PDSS1: variants seen among roughly 807,000 people sequenced by gnomAD.
The protein encoded by PDSS1 is decaprenyl diphosphate synthase subunit 1.
A neutral mutation model predicts 57.5 loss-of-function variants in PDSS1; 43 were observed. The observed-to-expected ratio is 0.75, with a 90% confidence interval of 0.59 to 0.96. The LOEUF (loss-of-function observed/expected upper bound fraction) is 0.96, where lower values mean the gene tolerates loss of function less well. PDSS1 is among the 50% of genes least tolerant of loss of function. PDSS1 has a pLI of 0.00. For missense variants in PDSS1, 438 were observed against 527.8 expected (o/e 0.83, Z 1.67); for synonymous variants, 175 against 191.3 (o/e 0.91, Z 0.70).
At chr10:26,730,438 C>G (rs2132287482) in intron 8 of PDSS1, among the ~76,000 whole-genome samples, 1 of 151,634 alleles carries the variant, frequency 6.6e-6, no homozygotes, top group East Asian at 2.0e-4. Flanking sequence ...GGCGAAACCT[C>G]TGTCTACAAG....
At chr10:26,713,316 A>G (rs1462499528) in intron 5 of PDSS1, among the ~76,000 whole-genome samples, 3 of 152,148 alleles carry the variant, frequency 2.0e-5, no homozygotes, top group Non-Finnish European at 4.4e-5. Context: ...AACAAAAAAC[A>G]TGGGGGATTT....
chr10:26,730,979 C>T (rs1341421319), intron 8 of PDSS1, among the ~76,000 whole-genome samples: 2 of 152,126 alleles, frequency 1.3e-5, no homozygotes, highest in Non-Finnish European at 2.9e-5. Context: ...GAGGCTGAGG[C>T]GGCCGAATCA....
chr10:26,738,252 A>G (rs1283290602), intron 10 of PDSS1, among the ~76,000 whole-genome samples: 1 of 152,220 alleles, frequency 6.6e-6, no homozygotes, highest in Non-Finnish European at 1.5e-5. Flanking sequence ...ATTCTTTCAT[A>G]CATTATCTCT....
At chr10:26,698,765 T>C (rs1325781244) in intron 1 of PDSS1, among the ~76,000 whole-genome samples, 1 of 152,238 alleles carries the variant, frequency 6.6e-6, no homozygotes, top group East Asian at 1.9e-4. Flanking sequence ...TTTCCCAGTA[T>C]GAAATATATA....
intron 8 of PDSS1, 144 bp downstream of exon 8, chr10:26,724,267 A>G (rs1454662272): frequency 4.3e-6 from 3 of 702,966 alleles, no homozygotes; most frequent in Non-Finnish European, 5.2e-6. Flanking sequence ...TGACATCCCC[A>G]AACAATAGAG....
chr10:26,737,796 T>C lies in PDSS1; in HGVS notation c.1026+2217T>C, dbSNP rs114530961. ...GCAAAAGGAAAAAAAAAGATTACTG[T>C]ACCCGAAGCCATGGTTTTATGTGTG... On this transcript the variant is annotated intron_variant, in intron 10 of 11. Coordinates refer to ENST00000376215, the MANE Select transcript of PDSS1 (RefSeq NM_014317.5). Among the ~76,000 whole-genome samples, 1,461 of 150,860 alleles carry C rather than the reference T, an allele frequency of 9.7e-3. 30 individuals are homozygous for C. Among genetic ancestry groups the C allele is most frequent in the African/African-American group, 0.034 (1,406 of 40,982 alleles).
chr10:26,707,710 T>TA (rs1183221524), intron 4 of PDSS1, among the ~76,000 whole-genome samples: 5 of 152,356 alleles, frequency 3.3e-5, no homozygotes, highest in East Asian at 3.9e-4. Context: ...TGTCCATACT[T>TA]ACGTCTCTCA....
At chr10:26,705,940 C>T (rs996093576) in intron 4 of PDSS1, among the ~76,000 whole-genome samples, 2 of 152,182 alleles carry the variant, frequency 1.3e-5, no homozygotes, top group Admixed American at 6.5e-5. Context: ...AAAAATGGTC[C>T]AGGTAGCTCA....
chr10:26,745,320 T>C (rs1360846059), intron 11 of PDSS1, among the ~76,000 whole-genome samples: 2 of 152,166 alleles, frequency 1.3e-5, no homozygotes, highest in African/African-American at 2.4e-5. Context: ...AACCAATATT[T>C]TAAAACATGG....
chr10:26,705,513 G>A lies in PDSS1; in HGVS notation c.336+119G>A, dbSNP rs142898230. ...TTTTGAGCTGGAGTCTCACTCTGTT[G>A]CCCAGGCTTGAGTGCAGCGGTGCAA... On this transcript the variant is annotated intron_variant, in intron 4 of 11. Coordinates refer to ENST00000376215, the MANE Select transcript of PDSS1 (RefSeq NM_014317.5). 3,159 of 424,126 alleles carry A rather than the reference G, an allele frequency of 7.4e-3. 90 individuals carry two copies. The highest frequency in any genetic ancestry group is 0.06 in the African/African-American group (2,813 of 46,564). 26.3% of individuals were successfully genotyped at this position (424,126 alleles called of 1,614,324 possible). A position where few individuals can be genotyped will look rare whatever the true frequency, so the allele number is the denominator to read the frequency against.
chr10:26,723,777 C>A, intron 6 of PDSS1, 29 bp from the exon 7 acceptor site: 1 of 1,459,128 alleles, frequency 6.9e-7, no homozygotes, highest in Non-Finnish European at 9.6e-7. Flanking sequence ...TTTTTCAGAA[C>A]GTTCTGTTTT....
intron 10 of PDSS1, among the ~76,000 whole-genome samples, chr10:26,737,746 A>G (rs1836453563): frequency 6.7e-6 from 1 of 149,840 alleles, no homozygotes. Context: ...AAAAAAAAAA[A>G]AAAAAGGCTG....
At chr10:26,714,457 ACT>A (rs1305662008) in intron 5 of PDSS1, among the ~76,000 whole-genome samples, 2 of 133,482 alleles carry the variant, frequency 1.5e-5, no homozygotes, top group Non-Finnish European at 1.6e-5. Flanking sequence ...CCTAGGGGAG[ACT>A]CTGTCTCAAA....
intron 8 of PDSS1, among the ~76,000 whole-genome samples, chr10:26,727,352 T>C (rs1835991777): frequency 6.7e-6 from 1 of 149,976 alleles, no homozygotes; most frequent in Non-Finnish European, 1.5e-5. Flanking sequence ...TTTTTTTTTT[T>C]TTTCTGAATT....
rs531668859 is a variant in PDSS1, at chr10:26,716,387, A to G, written c.468-3831A>G. Among the ~76,000 whole-genome samples, 9 of 151,862 alleles carry G rather than the reference A, an allele frequency of 5.9e-5. No homozygotes were observed. The South Asian group carries it at 1.5e-3, about 25-fold the overall frequency. On this transcript the variant is annotated intron_variant, in intron 5 of 11. Coordinates refer to ENST00000376215, the MANE Select transcript of PDSS1 (RefSeq NM_014317.5). The stretch of plus-strand genomic sequence containing the variant: ...CTATCTATTTTTAGGTATGTTTGAA[A>G]CTCTTCATTATTAAAAAAATTTTTT...
chr10:26,738,029 G>A (rs1201201197), intron 10 of PDSS1, among the ~76,000 whole-genome samples: 2 of 152,212 alleles, frequency 1.3e-5, no homozygotes, highest in East Asian at 3.8e-4. Flanking sequence ...TGGGCCAGAA[G>A]TTAGCCAAGT....
intron 5 of PDSS1, among the ~76,000 whole-genome samples, chr10:26,718,486 C>T (rs527595025): frequency 1.3e-4 from 20 of 152,100 alleles, no homozygotes; most frequent in African/African-American, 4.1e-4. Context: ...TGAGGCCAGG[C>T]GTGGTGGCTC....
chr10:26,738,751 A>G (rs1057017191), intron 10 of PDSS1, among the ~76,000 whole-genome samples: 1 of 152,190 alleles, frequency 6.6e-6, no homozygotes, highest in Admixed American at 6.5e-5. Flanking sequence ...TACTCCAGCC[A>G]GCACTTGACA....
At chr10:26,741,852 G>A (rs114388596) in intron 10 of PDSS1, among the ~76,000 whole-genome samples, 420 of 152,228 alleles carry the variant, frequency 2.8e-3, no homozygotes, top group African/African-American at 9.2e-3. Flanking sequence ...ATCCTGATAC[G>A]ATTTAAAGTT....
Sources: gnomAD v4.1 joint callset for allele counts (sites outside exome capture counted in the v4.1 genomes callset) on GRCh38, gnomAD v4.1.1 for gene constraint, MANE v1.5 for transcripts, NCBI Gene and HGNC (gene_info 2026-07-23, HGNC 2026-07-21) for gene names.